The following C7 variants were observed in gnomAD, a reference collection of about 807,000 sequenced individuals.
C7 encodes complement component C7.
In C7, 83 loss-of-function variants were observed where a neutral mutation model predicts 104.8. That is an observed-to-expected ratio of 0.79 (90% CI 0.66 to 0.95). The LOEUF is 0.95. Ranked by LOEUF, C7 falls within the 40% of genes least tolerant of loss-of-function variation. The pLI, the probability that C7 is intolerant of heterozygous loss-of-function variation, is 0.00. For missense variants in C7, 1,070 were observed against 1,011.2 expected (o/e 1.06, Z -0.79); for synonymous variants, 415 against 360.6 (o/e 1.15, Z -1.71).
chr5:40,946,893 A>G (rs925743339), intron 7 of C7, among the ~76,000 whole-genome samples: 8 of 151,852 alleles, frequency 5.3e-5, no homozygotes, highest in African/African-American at 1.9e-4. Context: ...CCCTACCTCT[A>G]CTAAAAATAC....
chr5:40,914,408 T>C (rs1249018811), intron 1 of C7, among the ~76,000 whole-genome samples: 2 of 152,214 alleles, frequency 1.3e-5, no homozygotes, highest in Non-Finnish European at 2.9e-5. Flanking sequence ...TCCCATTCTG[T>C]AGGTTGTCTG....
chr5:40,925,598 A>T (rs1337844040), intron 1 of C7, among the ~76,000 whole-genome samples: 1 of 152,130 alleles, frequency 6.6e-6, no homozygotes, highest in Non-Finnish European at 1.5e-5. Flanking sequence ...CTCAGTACCA[A>T]TTTTCTGTGT....
Position 40,909,566 on chromosome 5 carries a change from G to C in C7, c.-45G>C. The C allele has an allele frequency of 6.5e-7, 1 of 1,544,228 alleles. No individual in the cohort carries two copies. ...GTTGAAAACTTACCCGGCCCTTACA[G>C]AGGAAATCTTCCTCCTCTCTTCTGC... is the stretch of plus-strand genomic sequence containing the variant. On this transcript the variant is annotated 5_prime_UTR_variant, in exon 1 of 18. Transcript: ENST00000313164.
At position 40,922,851 on chromosome 5, in the gene C7, A is replaced by T. The variant is rs563544421; in HGVS notation, c.7-5729A>T. On this transcript the variant is annotated intron_variant, in intron 1 of 17. Transcript: ENST00000313164. ...CTCAAAATGAATTAGACTTAAATGT[A>T]AAATGTGAAATTATGAAACAACTAG... 5.9e-5 allele frequency among the ~76,000 whole-genome samples: 9 copies of T among 152,342 alleles called. No individual in the cohort carries two copies. The South Asian group carries it at 1.9e-3, about 32-fold the overall frequency.
At chr5:40,943,837 C>A (rs1323764965) in intron 6 of C7, among the ~76,000 whole-genome samples, 2 of 150,306 alleles carry the variant, frequency 1.3e-5, no homozygotes, top group Non-Finnish European at 3.0e-5. Flanking sequence ...ATCTTCTTAT[C>A]TTTCTTATCT....
intron 10 of C7, 144 bp from the exon 11 acceptor site, chr5:40,957,889 C>T (rs1740328830): frequency 3.7e-6 from 2 of 535,940 alleles, no homozygotes; most frequent in Non-Finnish European, 6.4e-6. Flanking sequence ...CACTGTTTTC[C>T]TTTGTATTTG....
At chr5:40,912,403 A>G (rs1739227622) in intron 1 of C7, among the ~76,000 whole-genome samples, 1 of 152,186 alleles carries the variant, frequency 6.6e-6, no homozygotes, top group African/African-American at 2.4e-5. Context: ...ATTTGAGACA[A>G]GATCTTGCTC....
At chr5:40,927,411 A>G (rs747139260) in intron 1 of C7, among the ~76,000 whole-genome samples, 28 of 152,126 alleles carry the variant, frequency 1.8e-4, no homozygotes, top group Non-Finnish European at 3.4e-4. Context: ...CAACAAACTG[A>G]AAAGTTTCTG....
At chr5:40,969,534 C>T (rs1274959147) in intron 14 of C7, among the ~76,000 whole-genome samples, 1 of 152,120 alleles carries the variant, frequency 6.6e-6, no homozygotes, top group East Asian at 1.9e-4. Flanking sequence ...AGAAGACTAA[C>T]TTTTGTTTAT....
chr5:40,965,649 T>TATATATATATATATATATA, intron 14 of C7, among the ~76,000 whole-genome samples: 1 of 26,636 alleles, frequency 3.8e-5, no homozygotes, highest in East Asian at 1.2e-3. Flanking sequence ...TATATATATA[T>TATATATATATATATATATA]TTTTTTTTTG....
chr5:40,948,810 G>A (rs1009822475), intron 8 of C7, among the ~76,000 whole-genome samples: 8 of 152,064 alleles, frequency 5.3e-5, no homozygotes, highest in African/African-American at 1.9e-4. Context: ...CTTCAGAAAA[G>A]ATTCTGTTAC....
intron 2 of C7, among the ~76,000 whole-genome samples, chr5:40,929,450 C>A (rs777531925): frequency 3.9e-5 from 6 of 152,230 alleles, no homozygotes; most frequent in Middle Eastern, 3.4e-3. Context: ...TGGTACCATA[C>A]GAAAACCACA....
At chr5:40,961,963 T>A in intron 12 of C7, 122 bp from the exon 13 acceptor site, 1 of 445,704 alleles carries the variant, frequency 2.2e-6, no homozygotes, top group Non-Finnish European at 3.9e-6. Context: ...GATAAAAATA[T>A]TACACCAATG....
chr5:40,946,697 C>T (rs1561247684), intron 7 of C7, among the ~76,000 whole-genome samples: 1 of 152,050 alleles, frequency 6.6e-6, no homozygotes, highest in Non-Finnish European at 1.5e-5. Context: ...TTATATTTAT[C>T]AGTTGATAGA....
chr5:40,952,698 A>T (rs930833343), intron 9 of C7, among the ~76,000 whole-genome samples: 1 of 151,658 alleles, frequency 6.6e-6, no homozygotes, highest in African/African-American at 2.4e-5. Context: ...CCTGTGTCCA[A>T]GTGTTCTCAT....
At chr5:40,922,628 G>A (rs1579839869) in intron 1 of C7, among the ~76,000 whole-genome samples, 2 of 149,660 alleles carry the variant, frequency 1.3e-5, no homozygotes, top group Admixed American at 6.8e-5. Context: ...TTGAACCCAG[G>A]AGGAGGAGGT....
intron 6 of C7, among the ~76,000 whole-genome samples, chr5:40,939,154 T>A (rs1739878632): frequency 6.6e-6 from 1 of 152,182 alleles, no homozygotes; most frequent in South Asian, 2.1e-4. Flanking sequence ...AAATTAACCT[T>A]CTCCAGAAAG....
chr5:40,953,210 AT>A (rs1341807678), intron 9 of C7, among the ~76,000 whole-genome samples: 1 of 152,142 alleles, frequency 6.6e-6, no homozygotes, highest in Non-Finnish European at 1.5e-5. Context: ...AAAGTCAAAT[AT>A]TGCATGTTCT....
In C7 at chr5:40,982,723, ATTAGTTTGAAGCATTGACC is replaced by A. The variant is rs1186734460; in HGVS notation, c.*1153_*1171del. The A allele has an allele frequency of 1.3e-5, 2 of 152,340 alleles. No individual in the cohort carries two copies. The highest frequency in any genetic ancestry group is 2.9e-5 in the Non-Finnish European group (2 of 68,036). 9.4% of individuals were successfully genotyped at this position (152,340 alleles called of 1,614,324 possible). ...GAGTTTTCAGGGAGTACACAGGTAG[ATTAGTTTGAAGCATTGACC>A]TTTTATTTATTCCTTATTTCTCTTT... On this transcript the variant is annotated 3_prime_UTR_variant, in exon 18 of 18. Transcript: ENST00000313164.
Sources: allele counts gnomAD v4.1 joint callset (sites outside exome capture counted in the v4.1 genomes callset), GRCh38; gene constraint gnomAD v4.1.1; transcripts MANE v1.5; gene names NCBI Gene and HGNC (gene_info 2026-07-23, HGNC 2026-07-21).